The following AGBL1 variants were observed in gnomAD, a reference collection of about 807,000 sequenced individuals.
The protein encoded by AGBL1 is cytosolic carboxypeptidase 4.
A neutral mutation model predicts 118.9 loss-of-function variants in AGBL1; 130 were observed. The ratio of observed to expected loss-of-function variants is 1.09; its 90% CI spans 0.95 to 1.26. The LOEUF (loss-of-function observed/expected upper bound fraction) is 1.26, where lower values mean the gene tolerates loss of function less well. AGBL1 is among the 50% of genes most tolerant of loss of function. The pLI is 0.00. For missense variants in AGBL1, 1,584 were observed against 1,298.1 expected (o/e 1.22, Z -3.38); for synonymous variants, 555 against 478.9 (o/e 1.16, Z -2.08).
chr15:86,321,545 G>C (rs1567197860), intron 17 of AGBL1, among the ~76,000 whole-genome samples: 2 of 151,720 alleles, frequency 1.3e-5, no homozygotes, highest in African/African-American at 2.4e-5. Flanking sequence ...GAGGCAGGTG[G>C]ATCACCAGAG....
intron 17 of AGBL1, among the ~76,000 whole-genome samples, chr15:86,337,404 G>A (rs1304528525): frequency 6.6e-6 from 1 of 152,104 alleles, no homozygotes; most frequent in Non-Finnish European, 1.5e-5. Context: ...CATGCAGAAT[G>A]TGTATGTCCA....
chr15:86,542,619 C>T (rs573076987), intron 19 of AGBL1, among the ~76,000 whole-genome samples: 47 of 152,136 alleles, frequency 3.1e-4, no homozygotes, highest in African/African-American at 6.3e-4. Flanking sequence ...CTACCTGGCT[C>T]GGCCTCCCAA....
At chr15:86,332,686 A>G (rs1445971454) in intron 17 of AGBL1, among the ~76,000 whole-genome samples, 6 of 151,530 alleles carry the variant, frequency 4.0e-5, no homozygotes, top group Non-Finnish European at 8.8e-5. Context: ...CTCAAATTTG[A>G]CACATTACCA....
At chr15:86,960,385 T>C (rs2080979889) in intron 23 of AGBL1, among the ~76,000 whole-genome samples, 1 of 152,064 alleles carries the variant, frequency 6.6e-6, no homozygotes, top group Admixed American at 6.6e-5. Context: ...CTGGTTGAAA[T>C]GAGCCAAATC....
At chr15:86,627,794 G>T (rs2142427666) in intron 21 of AGBL1, among the ~76,000 whole-genome samples, 1 of 152,306 alleles carries the variant, frequency 6.6e-6, no homozygotes, top group African/African-American at 2.4e-5. Flanking sequence ...GGACCTCAGG[G>T]GTTGAGAAGG....
At chr15:86,277,927 A>T (rs1439492610) in intron 15 of AGBL1, among the ~76,000 whole-genome samples, 1 of 152,212 alleles carries the variant, frequency 6.6e-6, no homozygotes, top group Non-Finnish European at 1.5e-5. Flanking sequence ...TTTTATTTCA[A>T]CTGCTGTTTC....
intron 15 of AGBL1, among the ~76,000 whole-genome samples, chr15:86,277,310 GTGTGTGTA>G (rs1255066719): frequency 2.2e-4 from 24 of 107,870 alleles, no homozygotes; most frequent in Non-Finnish European, 3.7e-4. Context: ...GTGCATGTGT[GTGTGTGTA>G]TGTGTGTGTG....
chr15:86,934,266 A>G (rs1221060950), intron 23 of AGBL1, among the ~76,000 whole-genome samples: 1 of 152,202 alleles, frequency 6.6e-6, no homozygotes, highest in Non-Finnish European at 1.5e-5. Context: ...GTGGCAAAGT[A>G]GGGGCATCAA....
chr15:86,537,621 T>G (rs1187567014), intron 19 of AGBL1, among the ~76,000 whole-genome samples: 2 of 151,972 alleles, frequency 1.3e-5, no homozygotes, highest in African/African-American at 4.8e-5. Flanking sequence ...GAATTGAGAG[T>G]TTTGTTATAT....
chr15:87,004,911 C>A (rs966999424), intron 24 of AGBL1, among the ~76,000 whole-genome samples: 1 of 152,106 alleles, frequency 6.6e-6, no homozygotes, highest in African/African-American at 2.4e-5. Flanking sequence ...CTCTCATTTG[C>A]TTGTCTGTAC....
rs192109852 is a variant in AGBL1, at chr15:86,186,068, A to G, written c.488+27042A>G. On this transcript the variant is annotated intron_variant, in intron 5 of 22. Coordinates refer to ENST00000614907, the MANE Select transcript of AGBL1 (RefSeq NM_001386094.1). Reference sequence around the variant, plus strand: ...TTTATGGGTGTCCAAAACTTGAACAATTGAATTCATTCAAATCTTTGGGAG... The same window carrying G: ...TTTATGGGTGTCCAAAACTTGAACAGTTGAATTCATTCAAATCTTTGGGAG... 2.1e-4 allele frequency among the ~76,000 whole-genome samples: 32 copies of G among 152,296 alleles called. No homozygotes were observed. In the East Asian group the frequency reaches 5.6e-3, roughly 27 times the overall value.
chr15:87,028,858 G>T, exon 25 of AGBL1: 1 of 1,600,214 alleles, frequency 6.2e-7, no homozygotes, highest in Non-Finnish European at 8.6e-7. Flanking sequence ...CCCTTCAAAT[G>T]AGCAAGTATT....
intron 22 of AGBL1, among the ~76,000 whole-genome samples, chr15:86,866,851 T>C (rs1213311438): frequency 6.6e-6 from 1 of 152,196 alleles, no homozygotes; most frequent in African/African-American, 2.4e-5. Flanking sequence ...GAACTATGCT[T>C]AGTCCACTAT....
intron 23 of AGBL1, among the ~76,000 whole-genome samples, chr15:86,942,074 T>C (rs956230948): frequency 8.5e-5 from 13 of 152,206 alleles, no homozygotes; most frequent in South Asian, 8.3e-4. Context: ...CAACTCTTGA[T>C]CCAGAGAGTT....
At chr15:86,722,652 C>T (rs1469725972) in intron 22 of AGBL1, among the ~76,000 whole-genome samples, 1 of 152,186 alleles carries the variant, frequency 6.6e-6, no homozygotes, top group Non-Finnish European at 1.5e-5. Context: ...CCAAAATTGA[C>T]AAATGGGATC....
chr15:86,216,048 A>G lies in AGBL1; in HGVS notation c.489-8866A>G, dbSNP rs1027231566. ...GGGATTTAAACAAAATCATTTCTGA[A>G]TTTTCATTGCTAATGTATAGAGATA... On this transcript the variant is annotated intron_variant, in intron 5 of 22. Coordinates refer to ENST00000614907, the MANE Select transcript of AGBL1 (RefSeq NM_001386094.1). 2.0e-5 allele frequency among the ~76,000 whole-genome samples: 3 copies of G among 152,104 alleles called. No individual in the cohort carries two copies. The East Asian group carries it at 5.8e-4, about 29-fold the overall frequency.
chr15:86,526,391 T>C (rs1007038876), intron 19 of AGBL1, among the ~76,000 whole-genome samples: 9 of 151,910 alleles, frequency 5.9e-5, no homozygotes, highest in Admixed American at 3.9e-4. Flanking sequence ...AAAAAAGTTA[T>C]TGTATTAAAA....
intron 23 of AGBL1, among the ~76,000 whole-genome samples, chr15:86,984,731 A>C (rs1246762451): frequency 1.3e-5 from 2 of 152,130 alleles, no homozygotes; most frequent in African/African-American, 4.8e-5. Context: ...TCTCATATAC[A>C]TATAGGTGCA....
intron 24 of AGBL1, among the ~76,000 whole-genome samples, chr15:87,005,919 A>G (rs2081495509): frequency 6.6e-6 from 1 of 152,054 alleles, no homozygotes; most frequent in Non-Finnish European, 1.5e-5. Flanking sequence ...AACACTCAGG[A>G]CCCTCAGCTG....
Sources: allele counts gnomAD v4.1 joint callset (sites outside exome capture counted in the v4.1 genomes callset), GRCh38; gene constraint gnomAD v4.1.1; transcripts MANE v1.5; gene names NCBI Gene and HGNC (gene_info 2026-07-23, HGNC 2026-07-21).